SORCS3: variants seen among roughly 807,000 people sequenced by gnomAD.
The protein encoded by SORCS3 is VPS10 domain-containing receptor SorCS3.
A neutral mutation model predicts 146.3 loss-of-function variants in SORCS3; 57 were observed. The observed-to-expected ratio is 0.39, with a 90% CI of 0.31 to 0.49. The LOEUF is 0.49. Ranked by LOEUF, SORCS3 falls within the 20% of genes least tolerant of loss-of-function variation. The pLI, the probability that SORCS3 is intolerant of heterozygous loss-of-function variation, is 0.92. For missense variants in SORCS3, 1,341 were observed against 1,575.5 expected (o/e 0.85, Z 2.52); for synonymous variants, 653 against 618.5 (o/e 1.06, Z -0.83).
At chr10:105,014,832 A>G (rs528912096) in intron 4 of SORCS3, among the ~76,000 whole-genome samples, 4 of 152,304 alleles carry the variant, frequency 2.6e-5, no homozygotes, top group Admixed American at 1.3e-4. Flanking sequence ...ACCATCTGAG[A>G]ACAGAGCTAG....
intron 1 of SORCS3, among the ~76,000 whole-genome samples, chr10:104,818,412 CT>C (rs113735678): frequency 1.2e-4 from 17 of 145,426 alleles, no homozygotes; most frequent in Non-Finnish European, 1.5e-4. Flanking sequence ...TTCTTTCTCT[CT>C]TTTTTTTTTG....
intron 3 of SORCS3, 55 bp downstream of exon 3, chr10:104,915,987 T>C (rs942851296): frequency 7.3e-7 from 1 of 1,374,798 alleles, no homozygotes; most frequent in Non-Finnish European, 1.0e-6. Flanking sequence ...CTGTGCTGAT[T>C]AGGGCCAGAG....
intron 14 of SORCS3, among the ~76,000 whole-genome samples, chr10:105,191,207 G>C (rs1220710977): frequency 6.6e-6 from 1 of 152,216 alleles, no homozygotes; most frequent in Non-Finnish European, 1.5e-5. Context: ...CATATGCTAT[G>C]ATTTTTGATA....
chr10:104,935,939 G>A (rs1464866575), intron 3 of SORCS3, among the ~76,000 whole-genome samples: 1 of 152,118 alleles, frequency 6.6e-6, no homozygotes, highest in African/African-American at 2.4e-5. Context: ...TCAGTACAGG[G>A]CTCAGGAGTT....
chr10:105,042,373 A>AATT (rs917256992), intron 4 of SORCS3, among the ~76,000 whole-genome samples: 2 of 152,186 alleles, frequency 1.3e-5, no homozygotes, highest in African/African-American at 4.8e-5. Context: ...AACATGGTAG[A>AATT]ATTATTATTA....
intron 2 of SORCS3, among the ~76,000 whole-genome samples, chr10:104,899,304 G>A (rs1324404501): frequency 2.6e-5 from 4 of 152,140 alleles, no homozygotes; most frequent in Non-Finnish European, 5.9e-5. Flanking sequence ...CATCCTTTCA[G>A]GGAGATTCCT....
chr10:104,928,059 A>G (rs1420463859), intron 3 of SORCS3, among the ~76,000 whole-genome samples: 1 of 152,132 alleles, frequency 6.6e-6, no homozygotes, highest in Admixed American at 6.5e-5. Flanking sequence ...GCAATCTGAT[A>G]AGGTAATGAG....
At chr10:104,941,385 G>A (rs1197625215) in intron 3 of SORCS3, among the ~76,000 whole-genome samples, 2 of 152,108 alleles carry the variant, frequency 1.3e-5, no homozygotes, top group East Asian at 3.9e-4. Context: ...TATAATATAA[G>A]GAAGAATAGA....
intron 16 of SORCS3, among the ~76,000 whole-genome samples, chr10:105,209,760 A>C (rs1313757528): frequency 1.3e-5 from 2 of 152,264 alleles, no homozygotes; most frequent in East Asian, 3.9e-4. Context: ...GAGGGTTGAA[A>C]AGGCTGGCTA....
chr10:104,909,465 T>G (rs1477155037), intron 2 of SORCS3, among the ~76,000 whole-genome samples: 1 of 152,098 alleles, frequency 6.6e-6, no homozygotes, highest in Non-Finnish European at 1.5e-5. Context: ...ATTGTATCCC[T>G]CAGAAGGCAG....
At chr10:104,889,741 A>C (rs1413803494) in intron 2 of SORCS3, among the ~76,000 whole-genome samples, 1 of 152,106 alleles carries the variant, frequency 6.6e-6, no homozygotes, top group Admixed American at 6.6e-5. Context: ...TTATTCTTGA[A>C]AGATATTTGA....
intron 4 of SORCS3, among the ~76,000 whole-genome samples, chr10:104,980,563 G>A (rs1044798289): frequency 2.0e-5 from 3 of 152,194 alleles, no homozygotes; most frequent in African/African-American, 7.2e-5. Context: ...GAAGGCAGCT[G>A]TTTCCTTCTA....
intron 25 of SORCS3, 130 bp from the exon 26 acceptor site, chr10:105,262,201 C>T: frequency 1.2e-6 from 1 of 810,394 alleles, no homozygotes; most frequent in South Asian, 1.7e-5. Flanking sequence ...TCTGGGGTTA[C>T]CAATATCTTT....
At chr10:104,848,875 G>A (rs1271522194) in intron 2 of SORCS3, among the ~76,000 whole-genome samples, 1 of 152,108 alleles carries the variant, frequency 6.6e-6, no homozygotes, top group African/African-American at 2.4e-5. Flanking sequence ...GAATGTACAT[G>A]GGAAACAACA....
intron 14 of SORCS3, among the ~76,000 whole-genome samples, chr10:105,189,857 C>G (rs529249526): frequency 6.6e-6 from 1 of 152,200 alleles, no homozygotes; most frequent in African/African-American, 2.4e-5. Flanking sequence ...GGATTCCCAA[C>G]TGGAGGCTAA....
chr10:105,172,390 T>G (rs1025314560), intron 13 of SORCS3, among the ~76,000 whole-genome samples: 3 of 152,220 alleles, frequency 2.0e-5, no homozygotes, highest in Admixed American at 2.0e-4. Context: ...CTTATATTCT[T>G]ATCCACAAAT....
At chr10:105,150,178 T>G (rs2864040) in intron 9 of SORCS3, among the ~76,000 whole-genome samples, 1 of 151,894 alleles carries the variant, frequency 6.6e-6, no homozygotes, top group African/African-American at 2.4e-5. Flanking sequence ...ATTTACCTGG[T>G]CAATGCTGGA....
chr10:105,122,890 C>A (rs2055944717), intron 7 of SORCS3, among the ~76,000 whole-genome samples: 1 of 152,168 alleles, frequency 6.6e-6, no homozygotes, highest in Admixed American at 6.5e-5. Flanking sequence ...GGAGACAGTG[C>A]AGTTGGATGG....
chr10:105,117,846 T>C (rs932408103), intron 7 of SORCS3, among the ~76,000 whole-genome samples: 23 of 152,216 alleles, frequency 1.5e-4, no homozygotes, highest in Non-Finnish European at 3.1e-4. Flanking sequence ...ATAATTAACA[T>C]AGTTGAATTG....
Sources: gnomAD v4.1 joint callset for allele counts (sites outside exome capture counted in the v4.1 genomes callset) on GRCh38, gnomAD v4.1.1 for gene constraint, MANE v1.5 for transcripts, NCBI Gene and HGNC (gene_info 2026-07-23, HGNC 2026-07-21) for gene names.